The following PPIP5K2 variants were observed in gnomAD, a reference collection of about 807,000 sequenced individuals.
PPIP5K2 encodes inositol hexakisphosphate and diphosphoinositol-pentakisphosphate kinase 2.
PPIP5K2 carries 105 observed loss-of-function variants against 154.6 expected under a neutral mutation model. That is an observed-to-expected ratio of 0.68 (90% CI 0.58 to 0.80). The LOEUF is 0.80. Ranked by LOEUF, PPIP5K2 falls within the 30% of genes least tolerant of loss-of-function variation. The pLI is 0.00. For missense variants in PPIP5K2, 992 were observed against 1,504.6 expected (o/e 0.66, Z 5.64); for synonymous variants, 480 against 490.3 (o/e 0.98, Z 0.28).
At chr5:103,138,999 A>G (rs1554205449) in intron 5 of PPIP5K2, among the ~76,000 whole-genome samples, 1 of 152,212 alleles carries the variant, frequency 6.6e-6, no homozygotes, top group African/African-American at 2.4e-5. Context: ...TGCAGAGCCA[A>G]CTGTGGGACT....
rs1029889380 is a variant in PPIP5K2, at chr5:103,186,537, C to T, written c.3289+98C>T. 4.2e-5 allele frequency: 63 copies of T among 1,512,018 alleles called. 1 individual carries two copies. In the South Asian group the frequency reaches 4.7e-4, roughly 11 times the overall value. The allele number at this position is 1,512,018 out of a possible 1,614,324, so 93.7% of individuals were successfully genotyped here. The stretch of plus-strand genomic sequence containing the variant: ...GCAAATCTAAGGCCACTGACTGATT[C>T]GAGTGAAATCCTGTCATCTTTTGCC... On this transcript the variant is annotated intron_variant, in intron 27 of 30. Transcript: ENST00000358359.
Position 103,129,525 on chromosome 5 carries a change from C to T in PPIP5K2, c.-65C>T. 1 of 1,323,514 alleles carries T rather than the reference C, an allele frequency of 7.6e-7. No individual in the cohort carries two copies. Among genetic ancestry groups the T allele is most frequent in the Non-Finnish European group, 1.0e-6 (1 of 988,060 alleles). The allele number at this position is 1,323,514 out of a possible 1,614,324, so 82.0% of individuals were successfully genotyped here. On this transcript the variant is annotated 5_prime_UTR_variant, in exon 2 of 31. Coordinates refer to ENST00000358359, the MANE Select transcript of PPIP5K2 (RefSeq NM_001276277.3). ...ATATGGAGAATGCTTTCTTCTGATACTATTTACTTAGAGGCAGTTTTAATA... is the reference window on the plus strand; with the variant it reads ...ATATGGAGAATGCTTTCTTCTGATATTATTTACTTAGAGGCAGTTTTAATA...
intron 17 of PPIP5K2, among the ~76,000 whole-genome samples, chr5:103,161,824 T>C (rs1008348810): frequency 1.1e-4 from 16 of 152,142 alleles, no homozygotes; most frequent in African/African-American, 3.9e-4. Flanking sequence ...TGTAAATTTC[T>C]TTGAGTTCTT....
intron 23 of PPIP5K2, among the ~76,000 whole-genome samples, chr5:103,179,320 T>G (rs1799159801): frequency 2.0e-5 from 3 of 152,084 alleles, no homozygotes; most frequent in Admixed American, 1.3e-4. Context: ...AGTTTTAGTT[T>G]GTGCGTTCTT....
At chr5:103,143,137 C>T (rs1343152686) in intron 5 of PPIP5K2, among the ~76,000 whole-genome samples, 2 of 151,968 alleles carry the variant, frequency 1.3e-5, no homozygotes, top group African/African-American at 4.8e-5. Context: ...AATCACAAAA[C>T]AAAAACCTGT....
In PPIP5K2 at chr5:103,184,711, A is replaced by G; in HGVS notation, c.3136A>G (p.Thr1046Ala). Residue 1046 changes from threonine to alanine, a missense_variant, in exon 26 of 31, where the codon ACT (threonine) becomes GCT (alanine). By Grantham distance (58) the Thr-to-Ala change is moderately conservative. Transcript: ENST00000358359. Reference sequence around the variant, plus strand: ...TGCTAATTACCTGAGAACACCAAGAACTCTTGTGGAACAGAAGCAGAATCC... The same window carrying G: ...TGCTAATTACCTGAGAACACCAAGAGCTCTTGTGGAACAGAAGCAGAATCC... ...ENANYLRTPR[T>A]LVEQKQNPTV... 1.2e-6 allele frequency: 2 copies of G among 1,612,712 alleles called. No individual in the cohort carries two copies. The highest frequency in any genetic ancestry group is 4.5e-5 in the East Asian group (2 of 44,798).
At chr5:103,140,384 CAAAG>C (rs536464409) in intron 5 of PPIP5K2, among the ~76,000 whole-genome samples, 129 of 152,206 alleles carry the variant, frequency 8.5e-4, no homozygotes, top group African/African-American at 3.0e-3. Context: ...CAAGGATAAA[CAAAG>C]ATCCTTAAAG....
At chr5:103,178,667 T>C (rs1341362280) in intron 23 of PPIP5K2, among the ~76,000 whole-genome samples, 7 of 151,660 alleles carry the variant, frequency 4.6e-5, no homozygotes, top group Non-Finnish European at 1.0e-4. Context: ...GCAGATCAAT[T>C]TGGAGAAAAA....
intron 18 of PPIP5K2, 112 bp downstream of exon 18, chr5:103,167,432 A>G (rs1797302306): frequency 6.7e-6 from 6 of 891,984 alleles, no homozygotes; most frequent in African/African-American, 1.7e-5. Flanking sequence ...CTTGAGAGCT[A>G]TGTATAGTAT....
rs781980575 is a variant in PPIP5K2 at position 103,136,836 on chromosome 5, T to A, written c.401+14T>A. 3 of 1,588,656 alleles carry A rather than the reference T, an allele frequency of 1.9e-6. No individual in the cohort carries two copies. Among genetic ancestry groups the A allele is most frequent in the African/African-American group, 2.7e-5 (2 of 74,304 alleles). On this transcript the variant is annotated intron_variant, in intron 4 of 30. Coordinates refer to ENST00000358359, the MANE Select transcript of PPIP5K2 (RefSeq NM_001276277.3). ...CATACAAGATAGGTGAGTGGTGAAG[T>A]TGGCTGAATTAAGGGAAGGAAAAAT...
intron 5 of PPIP5K2, among the ~76,000 whole-genome samples, chr5:103,143,395 A>G (rs1793176779): frequency 6.6e-6 from 1 of 152,208 alleles, no homozygotes; most frequent in East Asian, 1.9e-4. Flanking sequence ...TGTGTAGCCC[A>G]GGCTGGTTTC....
intron 17 of PPIP5K2, among the ~76,000 whole-genome samples, chr5:103,164,221 T>G (rs1796786187): frequency 6.6e-6 from 1 of 151,972 alleles, no homozygotes; most frequent in Admixed American, 6.6e-5. Context: ...ATTTCCCTTT[T>G]TCTTTCATAA....
At chr5:103,168,345 T>A (rs782239069) in intron 19 of PPIP5K2, 50 bp downstream of exon 19, 10 of 1,404,296 alleles carry the variant, frequency 7.1e-6, no homozygotes, top group East Asian at 7.0e-5. Flanking sequence ...AAAATACTTT[T>A]AAAATGTCTG....
intron 5 of PPIP5K2, among the ~76,000 whole-genome samples, chr5:103,141,030 G>A (rs1373687542): frequency 1.3e-5 from 2 of 151,678 alleles, no homozygotes; most frequent in Non-Finnish European, 2.9e-5. Flanking sequence ...AGAAAAAGAC[G>A]TTAAAAATAA....
intron 13 of PPIP5K2, 83 bp from the exon 14 acceptor site, chr5:103,155,826 G>T (rs565357549): frequency 2.3e-6 from 2 of 854,592 alleles, no homozygotes; most frequent in East Asian, 2.6e-5. Flanking sequence ...TTAAACAGGC[G>T]GTTACAAATA....
chr5:103,132,554 A>T (rs1790809138), intron 2 of PPIP5K2, among the ~76,000 whole-genome samples: 1 of 152,188 alleles, frequency 6.6e-6, no homozygotes, highest in South Asian at 2.1e-4. Context: ...TCAAAAAAAA[A>T]AATTAATTAA....
chr5:103,180,125 A>G lies in PPIP5K2; in HGVS notation c.2859A>G (p.Ser953=). 1 of 1,606,408 alleles carries G rather than the reference A, an allele frequency of 6.2e-7. No homozygotes were observed. The highest frequency in any genetic ancestry group is 1.1e-5 in the South Asian group (1 of 89,716). ...TGATATTGTTTAAACCAATGGTATCAGAGCCAATTCATATACACAGGAAGT... is the reference window on the plus strand; with the variant it reads ...TGATATTGTTTAAACCAATGGTATCGGAGCCAATTCATATACACAGGAAGT... ...RAVILFKPMV[S]EPIHIHRKSP... The change falls in exon 24 of 31, where the codon TCA becomes TCG. Residue 953 remains serine, a synonymous_variant. Transcript: ENST00000358359.
chr5:103,148,891 T>C (rs554175673), intron 7 of PPIP5K2, among the ~76,000 whole-genome samples: 5 of 152,224 alleles, frequency 3.3e-5, no homozygotes, highest in Non-Finnish European at 5.9e-5. Flanking sequence ...GTATACATCC[T>C]AGTATTCCCT....
chr5:103,120,869 C>A (rs1788554492), intron 1 of PPIP5K2: 1 of 176,510 alleles, frequency 5.7e-6, no homozygotes, highest in African/African-American at 2.3e-5. Context: ...AAAAAATTTT[C>A]TGCCTTAGTC....
Sources: gnomAD v4.1 joint callset for allele counts (sites outside exome capture counted in the v4.1 genomes callset) on GRCh38, gnomAD v4.1.1 for gene constraint, MANE v1.5 for transcripts, NCBI Gene and HGNC (gene_info 2026-07-23, HGNC 2026-07-21) for gene names.